Variants in MICU2 observed in about 807,000 individuals in gnomAD.
MICU2 encodes the protein calcium uptake protein 2, mitochondrial.
MICU2 carries 64 observed loss-of-function variants against 60.4 expected under a neutral mutation model. The ratio of observed to expected loss-of-function variants is 1.06; its 90% CI spans 0.87 to 1.31. MICU2 has a LOEUF of 1.31. MICU2 is among the 50% of genes most tolerant of loss of function. The pLI is 0.00. For synonymous variants in MICU2, 201 were observed against 175.0 expected (o/e 1.15, Z -1.17); for missense variants, 569 against 531.0 (o/e 1.07, Z -0.70).
At chr13:21,533,283 T>A (rs1263049141) in intron 4 of MICU2, among the ~76,000 whole-genome samples, 1 of 152,042 alleles carries the variant, frequency 6.6e-6, no homozygotes, top group Non-Finnish European at 1.5e-5. Context: ...TATAGAATGA[T>A]TTTATATATA....
At chr13:21,593,064 AG>A (rs749188391) in intron 1 of MICU2, among the ~76,000 whole-genome samples, 4 of 152,240 alleles carry the variant, frequency 2.6e-5, no homozygotes, top group Non-Finnish European at 4.4e-5. Flanking sequence ...ATAGGAAGAC[AG>A]GAAGTCAAGT....
At chr13:21,530,864 C>T (rs1419715804) in intron 4 of MICU2, 1 of 738,414 alleles carries the variant, frequency 1.4e-6, no homozygotes, top group Admixed American at 1.9e-5. Context: ...CTGGACTCAC[C>T]CTCCTACGTC....
At chr13:21,603,142 G>C (rs1454604646) in intron 1 of MICU2, among the ~76,000 whole-genome samples, 2 of 151,940 alleles carry the variant, frequency 1.3e-5, no homozygotes, top group Non-Finnish European at 2.9e-5. Flanking sequence ...AGACCGGGGG[G>C]GCGGGGCTGG....
intron 1 of MICU2, among the ~76,000 whole-genome samples, chr13:21,595,808 G>A (rs1888679908): frequency 6.6e-6 from 1 of 152,242 alleles, no homozygotes; most frequent in Non-Finnish European, 1.5e-5. Context: ...GCTTTGGGGT[G>A]GAGGAGGATA....
chr13:21,510,311 A>G (rs770613439), intron 7 of MICU2, among the ~76,000 whole-genome samples: 2 of 152,226 alleles, frequency 1.3e-5, no homozygotes, highest in Non-Finnish European at 2.9e-5. Flanking sequence ...GCAATAAACA[A>G]TAAGGGATAA....
intron 6 of MICU2, among the ~76,000 whole-genome samples, chr13:21,518,602 G>C (rs1593322623): frequency 1.3e-5 from 2 of 152,254 alleles, no homozygotes; most frequent in South Asian, 4.1e-4. Context: ...ATCCTCCCAA[G>C]TCTGAAAGGA....
At chr13:21,517,770 G>GACAC (rs374373614) in intron 6 of MICU2, among the ~76,000 whole-genome samples, 36 of 144,612 alleles carry the variant, frequency 2.5e-4, no homozygotes, top group African/African-American at 7.5e-4. Flanking sequence ...ACAGAGCGAG[G>GACAC]ACACACACAC....
chr13:21,583,228 G>A (rs1433137178), intron 1 of MICU2, among the ~76,000 whole-genome samples: 4 of 152,112 alleles, frequency 2.6e-5, no homozygotes, highest in South Asian at 2.1e-4. Context: ...TGGCCTGGGC[G>A]ACAGAGACCT....
intron 1 of MICU2, among the ~76,000 whole-genome samples, chr13:21,581,355 T>C (rs1442152073): frequency 1.3e-5 from 2 of 152,170 alleles, no homozygotes; most frequent in Non-Finnish European, 2.9e-5. Flanking sequence ...TGGCCTCAAG[T>C]GATCCACCCA....
chr13:21,507,800 C>T (rs2138144311), intron 8 of MICU2, among the ~76,000 whole-genome samples: 1 of 151,776 alleles, frequency 6.6e-6, no homozygotes, highest in East Asian at 2.0e-4. Context: ...GACGGGGTTT[C>T]ACCACGTTGG....
At chr13:21,582,235 G>A (rs1888362744) in intron 1 of MICU2, among the ~76,000 whole-genome samples, 1 of 101,704 alleles carries the variant, frequency 9.8e-6, no homozygotes, top group Non-Finnish European at 2.0e-5. Flanking sequence ...CAATAATCAT[G>A]TCTTAGCTTT....
intron 1 of MICU2, among the ~76,000 whole-genome samples, chr13:21,595,037 A>C (rs1170660118): frequency 6.6e-6 from 1 of 152,226 alleles, no homozygotes; most frequent in Non-Finnish European, 1.5e-5. Context: ...TAAAGACAAA[A>C]TTAGAAACTT....
At chr13:21,515,503 A>G in intron 6 of MICU2, 2 of 425,554 alleles carry the variant, frequency 4.7e-6, no homozygotes, top group South Asian at 3.4e-5. Context: ...TGTAAATAGT[A>G]CTTTGAAATT....
In MICU2 at chr13:21,505,451, A is replaced by C. The variant is rs113882374; in HGVS notation, c.762-2354T>G. ...CAGAAAACTCAATTTTCAGAATTTA[A>C]ATTATCTGCTGCTTTCATAACAATA... On this transcript the variant is annotated intron_variant, in intron 8 of 11. Transcript: ENST00000382374. Among the ~76,000 whole-genome samples the C allele has an allele frequency of 9.1e-3, 1,384 of 152,278 alleles. 20 individuals carry two copies. Among genetic ancestry groups the C allele is most frequent in the African/African-American group, 0.032 (1,331 of 41,552 alleles).
chr13:21,561,466 T>A (rs1036817915), intron 2 of MICU2, among the ~76,000 whole-genome samples: 8 of 152,126 alleles, frequency 5.3e-5, no homozygotes, highest in Non-Finnish European at 7.4e-5. Context: ...TTTTGCCTCA[T>A]GTGCTTTGAT....
At chr13:21,583,899 AC>A (rs1439926243) in intron 1 of MICU2, among the ~76,000 whole-genome samples, 1 of 152,220 alleles carries the variant, frequency 6.6e-6, no homozygotes, top group Non-Finnish European at 1.5e-5. Context: ...CATTTAAGAA[AC>A]ATAGAAATCA....
At chr13:21,570,588 TG>T (rs1449527813) in intron 1 of MICU2, among the ~76,000 whole-genome samples, 2 of 152,238 alleles carry the variant, frequency 1.3e-5, no homozygotes, top group African/African-American at 4.8e-5. Flanking sequence ...GTCTGTTTTT[TG>T]TCTATTTTGT....
chr13:21,535,490 T>C (rs969506658), intron 4 of MICU2, among the ~76,000 whole-genome samples: 1 of 152,224 alleles, frequency 6.6e-6, no homozygotes, highest in African/African-American at 2.4e-5. Flanking sequence ...ATATTGGTAC[T>C]TGAAATTTAA....
chr13:21,533,395 C>T (rs942003842), intron 4 of MICU2, among the ~76,000 whole-genome samples: 9 of 150,192 alleles, frequency 6.0e-5, no homozygotes, highest in African/African-American at 2.2e-4. Context: ...GCAATCTCGG[C>T]TCACTGCAAG....
Sources: allele counts gnomAD v4.1 joint callset (sites outside exome capture counted in the v4.1 genomes callset), GRCh38; gene constraint gnomAD v4.1.1; transcripts MANE v1.5; gene names NCBI Gene and HGNC (gene_info 2026-07-23, HGNC 2026-07-21).